The following NUP210L variants were observed in gnomAD, a reference collection of about 807,000 sequenced individuals.
NUP210L encodes nuclear pore membrane glycoprotein 210-like.
NUP210L carries 74 observed loss-of-function variants against 208.5 expected under a neutral mutation model. That is an observed-to-expected ratio of 0.35 (90% CI 0.29 to 0.43). The LOEUF is 0.43. NUP210L is among the 20% of genes least tolerant of loss of function. The pLI is 1.00. For missense variants in NUP210L, 1,843 were observed against 2,289.4 expected, an observed-to-expected ratio of 0.81 and a Z score of 3.98; for synonymous variants, 780 against 816.9, an observed-to-expected ratio of 0.95 and a Z score of 0.77.
At chr1:154,135,034 G>A (rs1334589523) in intron 7 of NUP210L, among the ~76,000 whole-genome samples, 2 of 152,044 alleles carry the variant, frequency 1.3e-5, no homozygotes, top group Admixed American at 6.6e-5. Flanking sequence ...CACCACGCCC[G>A]GCCTCTGTGT....
At chr1:154,058,621 T>C in exon 21 of NUP210L, 2 of 1,614,008 alleles carry the variant, frequency 1.2e-6, no homozygotes, top group Non-Finnish European at 1.7e-6. Context: ...AGGTGGGCTG[T>C]TGCTGGACCC....
chr1:154,010,698 C>A (rs1650856604), intron 34 of NUP210L, among the ~76,000 whole-genome samples: 1 of 151,714 alleles, frequency 6.6e-6, no homozygotes, highest in Non-Finnish European at 1.5e-5. Context: ...TGGAGAAACC[C>A]CGTCTCTACT....
chr1:154,126,520 ATCT>A, intron 9 of NUP210L, 57 bp from the exon 10 acceptor site: 1 of 1,451,658 alleles, frequency 6.9e-7, no homozygotes, highest in Non-Finnish European at 9.3e-7. Context: ...CCCTGAAGTC[ATCT>A]TAATCCCAAA....
chr1:154,149,953 G>A (rs924197720), intron 2 of NUP210L, among the ~76,000 whole-genome samples: 1 of 152,222 alleles, frequency 6.6e-6, no homozygotes, highest in African/African-American at 2.4e-5. Context: ...TCAGCCGGGT[G>A]TGGTTGGCTC....
At chr1:154,090,241 C>T (rs556984874) in intron 15 of NUP210L, among the ~76,000 whole-genome samples, 3 of 151,728 alleles carry the variant, frequency 2.0e-5, no homozygotes, top group Admixed American at 1.3e-4. Context: ...CTAACTTTGA[C>T]CAATTATTTC....
intron 33 of NUP210L, among the ~76,000 whole-genome samples, chr1:154,016,408 A>G: frequency 6.6e-6 from 1 of 152,094 alleles, no homozygotes; most frequent in East Asian, 1.9e-4. Flanking sequence ...GGAATAGAAA[A>G]TATTTCATTA....
In NUP210L at chr1:154,152,889, C is replaced by CT. The variant is rs753247811; in HGVS notation, c.204-18dup. The CT allele has an allele frequency of 2.5e-6, 4 of 1,612,902 alleles. No individual in the cohort carries two copies. In the East Asian group the frequency reaches 8.9e-5, roughly 36 times the overall value. ...GTGGAATGCCTGCCAGAACAAAATTCTTAAGAGTGTGAAATAGGTGGGTTA... is the reference window on the plus strand; with the variant it reads ...GTGGAATGCCTGCCAGAACAAAATTCTTTAAGAGTGTGAAATAGGTGGGTTA... On this transcript the variant is annotated splice_polypyrimidine_tract_variant and intron_variant, in intron 1 of 39. Coordinates refer to ENST00000368559, the Ensembl canonical transcript of NUP210L.
intron 17 of NUP210L, among the ~76,000 whole-genome samples, chr1:154,063,562 G>A (rs1246456414): frequency 1.3e-5 from 2 of 152,182 alleles, no homozygotes; most frequent in Admixed American, 6.6e-5. Context: ...CAGGACTACA[G>A]GCTTTGATGT....
intron 2 of NUP210L, among the ~76,000 whole-genome samples, chr1:154,150,148 G>A (rs1659311218): frequency 6.6e-6 from 1 of 152,166 alleles, no homozygotes; most frequent in Non-Finnish European, 1.5e-5. Context: ...GCTGAGGCGG[G>A]CAGATCACCT....
Position 154,092,071 on chromosome 1 carries a change from ATTTTTT to A in NUP210L, c.2188-2483_2188-2478del, listed in dbSNP as rs764216863. ...TGGGGTGAAGCAGAAATGGGGAGCCATTTTTTTTTTTTTTTTTTTTTTGAGACGGAG... is the reference window on the plus strand; with the variant it reads ...TGGGGTGAAGCAGAAATGGGGAGCCATTTTTTTTTTTTTTTTGAGACGGAG... On this transcript the variant is annotated intron_variant, in intron 15 of 39. Transcript: ENST00000368559. Among the ~76,000 whole-genome samples, 15 of 124,612 alleles carry A rather than the reference ATTTTTT, an allele frequency of 1.2e-4. No individual in the cohort carries two copies. In the East Asian group the frequency reaches 3.4e-3, roughly 28 times the overall value. The allele number at this position is 124,612 out of a possible 152,430, so 81.8% of individuals were successfully genotyped here.
chr1:154,095,045 A>G (rs1395183207), exon 15 of NUP210L: 1 of 1,614,136 alleles, frequency 6.2e-7, no homozygotes. Flanking sequence ...TCCGCATTCA[A>G]TTCCAAAAAA....
intron 38 of NUP210L, among the ~76,000 whole-genome samples, chr1:153,994,631 C>G (rs1444477425): frequency 6.6e-6 from 1 of 151,818 alleles, no homozygotes; most frequent in African/African-American, 2.4e-5. Context: ...CTTTAATCCA[C>G]CACGTTACTA....
At chr1:154,086,208 T>C (rs1655612108) in intron 16 of NUP210L, among the ~76,000 whole-genome samples, 1 of 139,528 alleles carries the variant, frequency 7.2e-6, no homozygotes, top group African/African-American at 2.7e-5. Flanking sequence ...TGAGACTCAG[T>C]CTCAAAAAAA....
intron 30 of NUP210L, 82 bp from the exon 31 acceptor site, chr1:154,023,379 G>C: frequency 9.4e-7 from 1 of 1,067,064 alleles, no homozygotes; most frequent in Non-Finnish European, 1.3e-6. Context: ...TATAATCAAT[G>C]ATAAAGAGTG....
intron 3 of NUP210L, among the ~76,000 whole-genome samples, chr1:154,143,200 C>CAA (rs1658944313): frequency 9.1e-6 from 1 of 109,820 alleles, no homozygotes; most frequent in Non-Finnish European, 2.1e-5. Flanking sequence ...CTCCCCCTGC[C>CAA]CAAAAAAAAA....
intron 27 of NUP210L, among the ~76,000 whole-genome samples, chr1:154,037,204 G>C (rs180828586): frequency 7.4e-4 from 112 of 152,190 alleles, no homozygotes; most frequent in African/African-American, 2.1e-3. Context: ...AGATCCATTT[G>C]GTCTATAGTG....
chr1:154,068,950 A>G (rs1170763276), intron 17 of NUP210L, among the ~76,000 whole-genome samples: 3 of 152,140 alleles, frequency 2.0e-5, no homozygotes, highest in African/African-American at 2.4e-5. Flanking sequence ...CATTGTGCAC[A>G]TGTACCCTAA....
chr1:153,994,235 A>G (rs1649683679), intron 38 of NUP210L, among the ~76,000 whole-genome samples: 2 of 152,268 alleles, frequency 1.3e-5, no homozygotes, highest in Non-Finnish European at 1.5e-5. Flanking sequence ...TAGCTGTTAT[A>G]CCTCAAGATT....
intron 16 of NUP210L, among the ~76,000 whole-genome samples, chr1:154,071,887 C>T (rs981686335): frequency 1.2e-4 from 18 of 152,052 alleles, no homozygotes; most frequent in Admixed American, 2.6e-4. Context: ...CTGCCCACCT[C>T]GGCCTCCCAA....
Sources: gnomAD v4.1 joint callset for allele counts (sites outside exome capture counted in the v4.1 genomes callset) on GRCh38, gnomAD v4.1.1 for gene constraint, MANE v1.5 for transcripts, NCBI Gene and HGNC (gene_info 2026-07-23, HGNC 2026-07-21) for gene names.